OR10G3: variants seen among roughly 807,000 people sequenced by gnomAD.
OR10G3 encodes the protein olfactory receptor family 10 subfamily G member 3, also known as olfactory receptor 10G3.
OR10G3 carries 8 observed loss-of-function variants against 13.4 expected under a neutral mutation model. That is an observed-to-expected ratio of 0.60 (90% CI 0.35 to 1.08). The LOEUF (loss-of-function observed/expected upper bound fraction) is 1.08. Among genes scored for constraint, OR10G3 ranks in the 50% least tolerant of loss-of-function variants. OR10G3 has a pLI of 0.02. For missense variants in OR10G3, 393 were observed against 386.6 expected, an observed-to-expected ratio of 1.02 and a Z score of -0.14; for synonymous variants, 142 against 156.1, an observed-to-expected ratio of 0.91 and a Z score of 0.67.
In OR10G3 at chr14:21,568,705, T is replaced by TTTTTTTTA. The variant is rs1566535051; in HGVS notation, c.*1090_*1097dup. ...TTAGTCAGGGGTCTCTTTGTTTTTT[T>TTTTTTTTA]TTTTTTTATTTTTTTATTTTTTTGA... On this transcript the variant is annotated 3_prime_UTR_variant, in exon 2 of 2. Transcript: ENST00000641040. The TTTTTTTTA allele has an allele frequency of 6.6e-6, 1 of 151,128 alleles. No individual in the cohort carries two copies. Among genetic ancestry groups the TTTTTTTTA allele is most frequent in the Non-Finnish European group, 1.5e-5 (1 of 67,796 alleles). 9.4% of individuals were successfully genotyped at this position (151,128 alleles called of 1,614,324 possible). A position where few individuals can be genotyped will look rare whatever the true frequency, so the allele number is the denominator to read the frequency against.
intron 1 of OR10G3, among the ~76,000 whole-genome samples, chr14:21,572,293 A>G (rs1443875404): frequency 5.6e-5 from 6 of 107,334 alleles, no homozygotes; most frequent in African/African-American, 2.1e-4. Context: ...CTCAAAAAAA[A>G]AAAAAAAAAA....
Position 21,569,943 on chromosome 14 carries a change from G to A in OR10G3, c.802C>T (p.Pro268Ser), listed in dbSNP as rs375915038. Residue 268 changes from proline to serine, a missense_variant, in exon 2 of 2, where the codon CCC (proline) becomes TCC (serine). Physicochemically the swap from Pro to Ser is moderately conservative, Grantham distance 74. Coordinates refer to ENST00000641040, the MANE Select transcript of OR10G3 (RefSeq NM_001005465.2). The stretch of plus-strand genomic sequence containing the variant: ...ACTAGGGCAGCTGCCCCATCCAGGG[G>A]GCTGTTGGTTTCAGGCCTCAGGTAG... ...FIYLRPETNSPLDGAAALVPT... is the reference protein window; with the variant it reads ...FIYLRPETNSSLDGAAALVPT... 2.5e-6 allele frequency: 4 copies of A among 1,612,652 alleles called. No individual in the cohort carries two copies. The highest frequency in any genetic ancestry group is 1.7e-6 in the Non-Finnish European group (2 of 1,179,240).
chr14:21,576,024 A>G (rs1893125582), intron 1 of OR10G3, among the ~76,000 whole-genome samples: 2 of 152,124 alleles, frequency 1.3e-5, no homozygotes, highest in African/African-American at 4.8e-5. Context: ...TGGGAAATTC[A>G]TGGCAGTGCA....
At chr14:21,572,019 C>T (rs577296507) in intron 1 of OR10G3, among the ~76,000 whole-genome samples, 83 of 148,424 alleles carry the variant, frequency 5.6e-4, no homozygotes, top group South Asian at 2.2e-3. Context: ...CGGGTGGGCT[C>T]GGTGGCTTAT....
At chr14:21,573,054 A>T (rs925814575) in intron 1 of OR10G3, among the ~76,000 whole-genome samples, 6 of 152,196 alleles carry the variant, frequency 3.9e-5, no homozygotes, top group Non-Finnish European at 8.8e-5. Context: ...TTAAAGACTT[A>T]AACATAAGAC....
At chr14:21,579,504 C>G (rs185590633) in intron 1 of OR10G3, among the ~76,000 whole-genome samples, 5 of 152,282 alleles carry the variant, frequency 3.3e-5, no homozygotes, top group Admixed American at 2.6e-4. Context: ...CTTGGCATCC[C>G]AAAGTGCTGG....
At chr14:21,570,809 G>A (rs1249192511) in intron 1 of OR10G3, 48 bp from the exon 2 acceptor site, 4 of 1,078,932 alleles carry the variant, frequency 3.7e-6, no homozygotes, top group Non-Finnish European at 5.3e-6. Context: ...AGAGGAAAGT[G>A]AGGGGGAACT....
At chr14:21,577,058 C>T (rs1893135280) in intron 1 of OR10G3, among the ~76,000 whole-genome samples, 1 of 152,108 alleles carries the variant, frequency 6.6e-6, no homozygotes, top group Non-Finnish European at 1.5e-5. Context: ...GTGTCACTGC[C>T]ATTATCATAA....
At position 21,569,809 on chromosome 14, in the gene OR10G3, C is replaced by T; in HGVS notation, c.936G>A (p.Glu312=). The change falls in exon 2 of 2, where the codon GAG becomes GAA. Residue 312 remains glutamate, a synonymous_variant. Coordinates refer to ENST00000641040, the MANE Select transcript of OR10G3 (RefSeq NM_001005465.2). ...TAGTGGGAGAAAGACACTTTCAAAC[C>T]TCACTCGGAGTTCTTGGGCTTCTGA... The part of the protein sequence containing the change: ...RMLRSPRTPS[E]V The T allele has an allele frequency of 6.2e-7, 1 of 1,613,460 alleles. No homozygotes were observed. Among genetic ancestry groups the T allele is most frequent in the Non-Finnish European group, 8.5e-7 (1 of 1,179,616 alleles).
intron 1 of OR10G3, 109 bp from the exon 2 acceptor site, chr14:21,570,870 C>T (rs1023386667): frequency 1.3e-5 from 8 of 636,886 alleles, no homozygotes; most frequent in South Asian, 1.0e-4. Context: ...TTCTTTCTTA[C>T]GTGGAAAGAT....
rs1365746713 is a variant in OR10G3, at chr14:21,570,719, A to G, written c.26T>C (p.Leu9Ser). 4 of 1,594,652 alleles carry G rather than the reference A, an allele frequency of 2.5e-6. No homozygotes were observed. The African/African-American group carries it at 5.4e-5, about 21-fold the overall frequency. The change falls in exon 2 of 2, where the codon TTG (leucine) becomes TCG (serine). Residue 9 changes from leucine (L) to serine (S), a missense_variant. Coordinates refer to ENST00000641040, the MANE Select transcript of OR10G3 (RefSeq NM_001005465.2). Reference protein sequence around the residue: MERINSTLLTAFILTGIPY... With the variant: MERINSTLSTAFILTGIPY... ...AATTCCTGTCAGGATAAACGCAGTC[A>G]ACAGTGTGCTGTTGATTCTTTCCAT...
chr14:21,568,832 T>TGC lies in OR10G3; in HGVS notation c.*970_*971insGC, dbSNP rs1893029784. On this transcript the variant is annotated 3_prime_UTR_variant, in exon 2 of 2. Coordinates refer to ENST00000641040, the MANE Select transcript of OR10G3 (RefSeq NM_001005465.2). ...TTCACGCCATTCTCCTGCCTCAGCC[T>TGC]CTCTGAGTAGCTGGGACTACAGGCG... The TGC allele has an allele frequency of 6.6e-6, 1 of 151,746 alleles. No individual in the cohort carries two copies. Among genetic ancestry groups the TGC allele is most frequent in the Non-Finnish European group, 1.5e-5 (1 of 68,036 alleles). 9.4% of individuals were successfully genotyped at this position (151,746 alleles called of 1,614,324 possible).
At chr14:21,575,293 G>C (rs1415521222) in intron 1 of OR10G3, among the ~76,000 whole-genome samples, 1 of 151,920 alleles carries the variant, frequency 6.6e-6, no homozygotes, top group East Asian at 1.9e-4. Flanking sequence ...GTGTTAGCCA[G>C]GATGGTCTCG....
At chr14:21,573,878 C>G (rs1417008299) in intron 1 of OR10G3, among the ~76,000 whole-genome samples, 1 of 152,054 alleles carries the variant, frequency 6.6e-6, no homozygotes, top group Non-Finnish European at 1.5e-5. Flanking sequence ...GTATATGCAT[C>G]TATCAAAACA....
rs2319871 is a variant in OR10G3 at position 21,568,690 on chromosome 14, G to T, written c.*1113C>A. On this transcript the variant is annotated 3_prime_UTR_variant, in exon 2 of 2. Transcript: ENST00000641040. ...TCTTTCACCCCTGTGTTAGTCAGGG[G>T]TCTCTTTGTTTTTTTTTTTTTTATT... 1 allele frequency: 151,220 copies of T among 151,238 alleles called. 75,601 individuals carry two copies. The highest frequency in any genetic ancestry group is 1 in the Middle Eastern group (294 of 294). 9.4% of individuals were successfully genotyped at this position (151,238 alleles called of 1,614,324 possible). A position where few individuals can be genotyped will look rare whatever the true frequency, so the allele number is the denominator to read the frequency against.
At chr14:21,579,332 T>A (rs913198692) in intron 1 of OR10G3, among the ~76,000 whole-genome samples, 2 of 152,138 alleles carry the variant, frequency 1.3e-5, no homozygotes, top group African/African-American at 4.8e-5. Flanking sequence ...GCAACCTCCA[T>A]CTCTCAGGTT....
Position 21,573,561 on chromosome 14 carries a change from A to G in OR10G3, c.-17-2800T>C, listed in dbSNP as rs572313230. On this transcript the variant is annotated intron_variant, in intron 1 of 1. Transcript: ENST00000641040. The stretch of plus-strand genomic sequence containing the variant: ...GTGGCATGCACCTGTAATCCCAGCT[A>G]CTCAGGAGGTCGAGGCGGCAGAATT... 4.5e-5 allele frequency among the ~76,000 whole-genome samples: 6 copies of G among 132,718 alleles called. No individual in the cohort carries two copies. In the South Asian group the frequency reaches 1.4e-3, roughly 30 times the overall value. 87.1% of individuals were successfully genotyped at this position (132,718 alleles called of 152,430 possible).
chr14:21,569,695 T>A lies in OR10G3; in HGVS notation c.*108A>T, dbSNP rs1893040354. 2 of 826,604 alleles carry A rather than the reference T, an allele frequency of 2.4e-6. No homozygotes were observed. Among genetic ancestry groups the A allele is most frequent in the Non-Finnish European group, 3.8e-6 (2 of 525,614 alleles). 51.2% of individuals were successfully genotyped at this position (826,604 alleles called of 1,614,324 possible). ...TTAAACTGTGTTTGATCATACAGTA[T>A]GGCTATATAAAAGAGAAAAAACAAG... On this transcript the variant is annotated 3_prime_UTR_variant, in exon 2 of 2. Coordinates refer to ENST00000641040, the MANE Select transcript of OR10G3 (RefSeq NM_001005465.2).
rs146550577 is a variant in OR10G3, at chr14:21,571,848, A to G, written c.-17-1087T>C. Among the ~76,000 whole-genome samples, 11 of 151,884 alleles carry G rather than the reference A, an allele frequency of 7.2e-5. No individual in the cohort carries two copies. In the East Asian group the frequency reaches 2.2e-3, roughly 30 times the overall value. On this transcript the variant is annotated intron_variant, in intron 1 of 1. Transcript: ENST00000641040. Reference sequence around the variant, plus strand: ...GCTACCATGCCTGGCTAATTTTTGTATTTTTAGTAGAGACGGGGTTTCACC... The same window carrying G: ...GCTACCATGCCTGGCTAATTTTTGTGTTTTTAGTAGAGACGGGGTTTCACC...
Sources: gnomAD v4.1 joint callset for allele counts (sites outside exome capture counted in the v4.1 genomes callset) on GRCh38, gnomAD v4.1.1 for gene constraint, MANE v1.5 for transcripts, NCBI Gene and HGNC (gene_info 2026-07-23, HGNC 2026-07-21) for gene names.